The following ERC2 variants were observed in gnomAD, a reference collection of about 807,000 sequenced individuals.
The protein encoded by ERC2 is ELKS/RAB6-interacting/CAST family member 2, also known as ERC protein 2.
In ERC2, 42 loss-of-function variants were observed where a neutral mutation model predicts 114.8. The ratio of observed to expected loss-of-function variants is 0.37; its 90% CI spans 0.29 to 0.47. ERC2 has a LOEUF of 0.47. Among genes scored for constraint, ERC2 ranks in the 20% least tolerant of loss-of-function variants. The probability of loss-of-function intolerance (pLI) is 0.99; values close to 1 mark genes in which losing one functional copy is unlikely to be tolerated. For synonymous variants in ERC2, 454 were observed against 425.5 expected (o/e 1.07, Z -0.82); for missense variants, 939 against 1,150.7 (o/e 0.82, Z 2.66).
chr3:56,140,981 G>A (rs1217601796), intron 5 of ERC2, among the ~76,000 whole-genome samples: 2 of 152,086 alleles, frequency 1.3e-5, no homozygotes, highest in Non-Finnish European at 2.9e-5. Context: ...CCGAGATCAC[G>A]CCACTGCCCT....
intron 17 of ERC2, among the ~76,000 whole-genome samples, chr3:55,551,175 T>G (rs2107418845): frequency 6.6e-6 from 1 of 152,076 alleles, no homozygotes; most frequent in East Asian, 1.9e-4. Context: ...CATGAATATA[T>G]ACACACATAC....
At chr3:55,709,189 T>A (rs1020631045) in intron 15 of ERC2, among the ~76,000 whole-genome samples, 3 of 151,906 alleles carry the variant, frequency 2.0e-5, no homozygotes, top group Admixed American at 2.0e-4. Flanking sequence ...TCTAGGAGCA[T>A]GTGAGATTCT....
At chr3:56,237,595 T>C (rs1166661338) in intron 3 of ERC2, among the ~76,000 whole-genome samples, 1 of 152,208 alleles carries the variant, frequency 6.6e-6, no homozygotes, top group East Asian at 1.9e-4. Flanking sequence ...TAGTTTTTCT[T>C]AAGCAATCCT....
chr3:56,395,190 C>T (rs1022427558), intron 2 of ERC2, among the ~76,000 whole-genome samples: 7 of 151,958 alleles, frequency 4.6e-5, no homozygotes, highest in Non-Finnish European at 1.0e-4. Flanking sequence ...GATAATATGT[C>T]TCAAACTAAT....
intron 13 of ERC2, among the ~76,000 whole-genome samples, chr3:55,942,223 G>A (rs527431497): frequency 5.6e-5 from 8 of 142,798 alleles, no homozygotes; most frequent in East Asian, 2.1e-4. Flanking sequence ...TTCCTTCATC[G>A]GCAAAACAAG....
At chr3:56,160,109 C>A (rs1176484763) in intron 4 of ERC2, among the ~76,000 whole-genome samples, 1 of 152,196 alleles carries the variant, frequency 6.6e-6, no homozygotes, top group Non-Finnish European at 1.5e-5. Flanking sequence ...ATTTGTATTA[C>A]CACCAACAGT....
chr3:55,836,151 T>C (rs2060873079), intron 14 of ERC2, among the ~76,000 whole-genome samples: 1 of 151,936 alleles, frequency 6.6e-6, no homozygotes, highest in Non-Finnish European at 1.5e-5. Flanking sequence ...GTAGAAAGAA[T>C]CAATATCGTG....
intron 14 of ERC2, among the ~76,000 whole-genome samples, chr3:55,821,873 C>T (rs2060137678): frequency 1.3e-5 from 2 of 152,230 alleles, no homozygotes; most frequent in Non-Finnish European, 2.9e-5. Context: ...TCAGAGAAGT[C>T]CCACACCTTG....
chr3:56,032,985 AAG>A (rs1319646253), intron 7 of ERC2, among the ~76,000 whole-genome samples: 3 of 82,654 alleles, frequency 3.6e-5, no homozygotes, highest in South Asian at 8.5e-4. Flanking sequence ...AAGAGAAAGA[AAG>A]AAAGAAAGAA....
chr3:56,200,360 A>AC (rs1016670778), intron 3 of ERC2, among the ~76,000 whole-genome samples: 3 of 151,726 alleles, frequency 2.0e-5, no homozygotes, highest in East Asian at 1.9e-4. Flanking sequence ...AAAAAAAAAA[A>AC]AAACTACCTA....
At position 55,670,592 on chromosome 3, in the gene ERC2, T is replaced by C. The variant is rs147057261; in HGVS notation, c.*39+13202A>G. On this transcript the variant is annotated intron_variant, in intron 17 of 17. Transcript: ENST00000288221. The stretch of plus-strand genomic sequence containing the variant: ...GGGTTCGGATCCTAGCTCTGAGATT[T>C]TGGAGCTTTGTGACTTTGGGCAAAG... 1.6e-4 allele frequency among the ~76,000 whole-genome samples: 24 copies of C among 152,290 alleles called. No individual in the cohort carries two copies. In the East Asian group the frequency reaches 4.6e-3, roughly 29 times the overall value.
chr3:55,838,911 T>A (rs1220411233), intron 14 of ERC2, among the ~76,000 whole-genome samples: 1 of 151,842 alleles, frequency 6.6e-6, no homozygotes, highest in Non-Finnish European at 1.5e-5. Context: ...CAGAATAATG[T>A]ATTAAATAAT....
At position 56,187,884 on chromosome 3, in the gene ERC2, GT is replaced by G. The variant is rs199522259; in HGVS notation, c.1075-14365del. On this transcript the variant is annotated intron_variant, in intron 3 of 17. Coordinates refer to ENST00000288221, the MANE Select transcript of ERC2 (RefSeq NM_015576.3). ...CAATTAAGACATTGTATCTTCCCCT[GT>G]TATCATCCCACTCTAACTTTAAGCT... is the stretch of plus-strand genomic sequence containing the variant. Among the ~76,000 whole-genome samples the G allele has an allele frequency of 2.5e-3, 386 of 152,194 alleles. 1 individual carries two copies. The highest frequency in any genetic ancestry group is 0.018 in the South Asian group (86 of 4,818).
intron 3 of ERC2, among the ~76,000 whole-genome samples, chr3:56,176,821 T>C (rs902697888): frequency 6.6e-6 from 1 of 152,184 alleles, no homozygotes; most frequent in African/African-American, 2.4e-5. Flanking sequence ...TTCCATACAA[T>C]AGAGTTGTTG....
intron 1 of ERC2, among the ~76,000 whole-genome samples, chr3:56,467,894 G>A (rs1342008355): frequency 6.6e-6 from 1 of 152,072 alleles, no homozygotes; most frequent in East Asian, 2.0e-4. Context: ...AGGCAGAAGA[G>A]GGGGATCTGA....
chr3:55,803,005 G>C lies in ERC2; in HGVS notation c.2565-68087C>G, dbSNP rs1047988394. On this transcript the variant is annotated intron_variant, in intron 14 of 17. Transcript: ENST00000288221. ...AAAGAATGAAAAGTTCGCTCATGTG[G>C]AATGTAGGTATTCTTGACCTCTGAA... 5.3e-5 allele frequency among the ~76,000 whole-genome samples: 8 copies of C among 152,130 alleles called. No individual in the cohort carries two copies. In the South Asian group the frequency reaches 8.3e-4, roughly 16 times the overall value.
At chr3:56,233,803 C>T (rs1178589379) in intron 3 of ERC2, among the ~76,000 whole-genome samples, 1 of 152,074 alleles carries the variant, frequency 6.6e-6, no homozygotes, top group Non-Finnish European at 1.5e-5. Flanking sequence ...GGCTCATGGG[C>T]ATCGACCATC....
At position 55,707,974 on chromosome 3, in the gene ERC2, C is replaced by T. The variant is rs181279954; in HGVS notation, c.2713-8462G>A. Among the ~76,000 whole-genome samples, 192 of 152,254 alleles carry T rather than the reference C, an allele frequency of 1.3e-3. 2 individuals carry two copies. Among genetic ancestry groups the T allele is most frequent in the African/African-American group, 4.5e-3 (187 of 41,546 alleles). On this transcript the variant is annotated intron_variant, in intron 15 of 17. Coordinates refer to ENST00000288221, the MANE Select transcript of ERC2 (RefSeq NM_015576.3). ...TAGATCTGAGGCTCTGACTGTGCAG[C>T]CTCCTTTGTAACCAGTGCATCCCAC...
intron 14 of ERC2, among the ~76,000 whole-genome samples, chr3:55,856,254 G>C (rs926385706): frequency 5.3e-5 from 8 of 152,138 alleles, no homozygotes; most frequent in African/African-American, 1.4e-4. Flanking sequence ...GTGATACTAA[G>C]GAACAGCTCT....
Sources: allele counts gnomAD v4.1 joint callset (sites outside exome capture counted in the v4.1 genomes callset), GRCh38; gene constraint gnomAD v4.1.1; transcripts MANE v1.5; gene names NCBI Gene and HGNC (gene_info 2026-07-23, HGNC 2026-07-21).